The following CDH13 variants were observed in gnomAD, a reference collection of about 807,000 sequenced individuals.
CDH13 encodes the protein cadherin 13, also known as cadherin-13.
In CDH13, 24 loss-of-function variants were observed where a neutral mutation model predicts 63.8. The observed-to-expected ratio is 0.38, with a 90% confidence interval of 0.27 to 0.53. The LOEUF (loss-of-function observed/expected upper bound fraction) is 0.53, where lower values mean the gene tolerates loss of function less well. Ranked by LOEUF, CDH13 falls within the 20% of genes least tolerant of loss-of-function variation. The pLI is 0.85. For missense variants in CDH13, 1,049 were observed against 903.1 expected (o/e 1.16, Z -2.07); for synonymous variants, 503 against 355.3 (o/e 1.42, Z -4.67).
At chr16:83,026,000 A>G (rs1311364027) in intron 2 of CDH13, among the ~76,000 whole-genome samples, 4 of 152,194 alleles carry the variant, frequency 2.6e-5, no homozygotes, top group Admixed American at 6.5e-5. Context: ...CATTTCTTAG[A>G]TGGCCAGCCT....
intron 1 of CDH13, among the ~76,000 whole-genome samples, chr16:82,782,495 T>C (rs2035802514): frequency 6.6e-6 from 1 of 150,654 alleles, no homozygotes; most frequent in Non-Finnish European, 1.5e-5. Context: ...GAGGTTGCAG[T>C]GAGCCAAGAT....
intron 2 of CDH13, among the ~76,000 whole-genome samples, chr16:82,957,236 A>T (rs567862235): frequency 6.6e-6 from 1 of 152,174 alleles, no homozygotes; most frequent in Non-Finnish European, 1.5e-5. Context: ...TGACCATATG[A>T]CTAAATCTAG....
chr16:83,319,628 A>G (rs2090178126), intron 5 of CDH13, among the ~76,000 whole-genome samples: 2 of 152,364 alleles, frequency 1.3e-5, no homozygotes, highest in South Asian at 4.1e-4. Context: ...TTAAATTACT[A>G]AACAAAACTA....
At chr16:83,051,988 G>A (rs930349816) in intron 3 of CDH13, among the ~76,000 whole-genome samples, 17 of 151,884 alleles carry the variant, frequency 1.1e-4, no homozygotes, top group African/African-American at 4.1e-4. Flanking sequence ...CTCATGTCAT[G>A]TGGAAATGAG....
chr16:83,471,421 G>A (rs12933134), intron 6 of CDH13, among the ~76,000 whole-genome samples: 3,808 of 151,808 alleles, frequency 0.025, 160 homozygotes, highest in African/African-American at 0.086. Flanking sequence ...ACTACAGGTG[G>A]CTGCCACAGC....
chr16:83,448,378 G>A (rs2072774847), intron 6 of CDH13, among the ~76,000 whole-genome samples: 1 of 152,158 alleles, frequency 6.6e-6, no homozygotes, highest in African/African-American at 2.4e-5. Flanking sequence ...GGAGAAACAA[G>A]ATCAAAGGAA....
chr16:83,405,655 C>T (rs970868733), intron 6 of CDH13, among the ~76,000 whole-genome samples: 10 of 152,282 alleles, frequency 6.6e-5, no homozygotes, highest in African/African-American at 1.7e-4. Context: ...CTGTTACAGC[C>T]GTAGGAAGGT....
chr16:83,272,127 C>T (rs955786257), intron 5 of CDH13, among the ~76,000 whole-genome samples: 2 of 152,118 alleles, frequency 1.3e-5, no homozygotes, highest in Admixed American at 6.5e-5. Context: ...TATGGAGTAC[C>T]TCTCTCAGTC....
rs1472846891 is a variant in CDH13 at position 83,508,142 on chromosome 16, G to A, written c.960+21487G>A. 5.0e-4 allele frequency among the ~76,000 whole-genome samples: 52 copies of A among 104,020 alleles called. 1 individual carries two copies. Among genetic ancestry groups the A allele is most frequent in the African/African-American group, 1.7e-3 (46 of 27,344 alleles). The allele number at this position is 104,020 out of a possible 152,430, so 68.2% of individuals were successfully genotyped here. On this transcript the variant is annotated intron_variant, in intron 7 of 13. Transcript: ENST00000567109. The stretch of plus-strand genomic sequence containing the variant: ...GGAAGGGAGGAAGGAAAGGGAAGGG[G>A]AGGGGAGGGGAGGCGAGGGGAGGGG...
At chr16:82,740,140 A>C (rs369024658) in intron 1 of CDH13, among the ~76,000 whole-genome samples, 1 of 151,946 alleles carries the variant, frequency 6.6e-6, no homozygotes, top group African/African-American at 2.4e-5. Flanking sequence ...GGCAACAAAG[A>C]TGTAAATATT....
intron 2 of CDH13, among the ~76,000 whole-genome samples, chr16:82,993,296 A>G (rs183929158): frequency 2.6e-4 from 39 of 152,112 alleles, no homozygotes; most frequent in African/African-American, 8.9e-4. Context: ...GGTGCTGCCT[A>G]TACTGTTGTT....
intron 1 of CDH13, among the ~76,000 whole-genome samples, chr16:82,682,922 C>A (rs146669099): frequency 1.5e-3 from 234 of 152,264 alleles, no homozygotes; most frequent in African/African-American, 5.1e-3. Context: ...GCCCACAGTT[C>A]AGGCTGGTCC....
intron 2 of CDH13, among the ~76,000 whole-genome samples, chr16:82,968,578 C>T (rs889446093): frequency 2.6e-5 from 4 of 152,132 alleles, no homozygotes; most frequent in Non-Finnish European, 5.9e-5. Context: ...TAACACACTG[C>T]AGTGTAATTC....
chr16:83,486,722 G>A, intron 7 of CDH13, 67 bp downstream of exon 7: 2 of 1,459,026 alleles, frequency 1.4e-6, no homozygotes, highest in Non-Finnish European at 1.9e-6. Context: ...AAGGGATGAT[G>A]TGGGGCTCCA....
At chr16:83,322,195 T>C (rs1210471448) in intron 5 of CDH13, among the ~76,000 whole-genome samples, 1 of 152,178 alleles carries the variant, frequency 6.6e-6, no homozygotes, top group Non-Finnish European at 1.5e-5. Flanking sequence ...AGACACATTA[T>C]GTCGATGAGA....
intron 3 of CDH13, among the ~76,000 whole-genome samples, chr16:83,069,735 A>T (rs1231982481): frequency 6.6e-6 from 1 of 152,074 alleles, no homozygotes; most frequent in East Asian, 1.9e-4. Context: ...GCTCACTCTG[A>T]CACCCATTCC....
chr16:83,105,006 T>C (rs964899033), intron 3 of CDH13, among the ~76,000 whole-genome samples: 15 of 152,182 alleles, frequency 9.9e-5, no homozygotes, highest in African/African-American at 3.4e-4. Flanking sequence ...CTTTTGGCAT[T>C]CCTTTTTTTA....
At chr16:83,056,772 C>T (rs1214260713) in intron 3 of CDH13, among the ~76,000 whole-genome samples, 5 of 152,112 alleles carry the variant, frequency 3.3e-5, no homozygotes, top group African/African-American at 7.2e-5. Flanking sequence ...GTGGGTTTTT[C>T]CCATGCTGTT....
intron 2 of CDH13, among the ~76,000 whole-genome samples, chr16:82,912,662 C>T (rs1021024224): frequency 1.1e-4 from 16 of 152,106 alleles, no homozygotes; most frequent in African/African-American, 3.9e-4. Context: ...AGTGGTGACT[C>T]GCCGGGCGCG....
Sources: gnomAD v4.1 joint callset for allele counts (sites outside exome capture counted in the v4.1 genomes callset) on GRCh38, gnomAD v4.1.1 for gene constraint, MANE v1.5 for transcripts, NCBI Gene and HGNC (gene_info 2026-07-23, HGNC 2026-07-21) for gene names.